The following KLRG1 variants were observed in gnomAD, a reference collection of about 807,000 sequenced individuals.
The protein encoded by KLRG1 is killer cell lectin like receptor G1.
A neutral mutation model predicts 21.8 loss-of-function variants in KLRG1; 16 were observed. The observed-to-expected ratio is 0.73, with a 90% CI of 0.50 to 1.11. The LOEUF (loss-of-function observed/expected upper bound fraction) is 1.11, where lower values mean the gene tolerates loss of function less well. Among genes scored for constraint, KLRG1 ranks in the 50% most tolerant of loss-of-function variants. KLRG1 has a pLI of 0.00. For synonymous variants in KLRG1, 69 were observed against 75.9 expected (o/e 0.91, Z 0.47); for missense variants, 173 against 218.3 (o/e 0.79, Z 1.31).
At chr12:9,003,939 T>C (rs988085422) in intron 3 of KLRG1, among the ~76,000 whole-genome samples, 2 of 150,394 alleles carry the variant, frequency 1.3e-5, no homozygotes, top group Non-Finnish European at 2.9e-5. Context: ...CATCTATGAG[T>C]GAGAACATGC....
At chr12:9,112,502 A>C in the KLRG1 span, 1 of 1,613,756 alleles carries the variant, frequency 6.2e-7, no homozygotes, top group South Asian at 1.1e-5. Context: ...GACAGTGAGG[A>C]ACATTACCTC....
chr12:8,981,412 G>C (rs1946752685), intron 1 of KLRG1, among the ~76,000 whole-genome samples: 1 of 151,408 alleles, frequency 6.6e-6, no homozygotes, highest in South Asian at 2.1e-4. Flanking sequence ...TTTGCTGTAA[G>C]ACTGTTTTAG....
chr12:9,124,181 C>A, the KLRG1 span, among the ~76,000 whole-genome samples: 1 of 152,194 alleles, frequency 6.6e-6, no homozygotes, highest in Non-Finnish European at 1.5e-5. Flanking sequence ...CAAGAGGATT[C>A]TCGGGGCAAA....
the KLRG1 span, among the ~76,000 whole-genome samples, chr12:9,195,401 C>CCCTTTCCCCTTCCCCTTT: frequency 3.3e-5 from 5 of 151,450 alleles, no homozygotes; most frequent in Non-Finnish European, 7.4e-5. Flanking sequence ...CCTGGCCCTT[C>CCCTTTCCCCTTCCCCTTT]CCTTTCCCCT....
At chr12:9,021,355 GTTTAC>G in the KLRG1 span, among the ~76,000 whole-genome samples, 2 of 150,222 alleles carry the variant, frequency 1.3e-5, no homozygotes, top group African/African-American at 4.9e-5. Flanking sequence ...ACTGTAACTT[GTTTAC>G]TTTATAAACT....
chr12:9,028,193 C>T, the KLRG1 span: 9 of 600,766 alleles, frequency 1.5e-5, no homozygotes, highest in African/African-American at 1.3e-4. Flanking sequence ...CTCTTGTCAC[C>T]TAGGCTGGAA....
rs764384198 is a variant in KLRG1 at position 8,995,137 on chromosome 12, G to C, written c.206G>C (p.Cys69Ser). 3.7e-6 allele frequency: 6 copies of C among 1,607,012 alleles called. No homozygotes were observed. The highest frequency in any genetic ancestry group is 5.1e-6 in the Non-Finnish European group (6 of 1,177,432). The part of the protein sequence containing the change: ...ILCQGSNYST[C>S]ASCPSCPDRW... ...CTCCTAGGCTCCAACTACTCCACTT[G>C]TGCCAGCTGTCCTAGCTGCCCAGAC... Residue 69 changes from cysteine (C) to serine (S), a missense_variant, in exon 3 of 5, where the codon TGT becomes TCT. Coordinates refer to ENST00000356986, the MANE Select transcript of KLRG1 (RefSeq NM_005810.4).
chr12:9,187,092 A>T, the KLRG1 span, among the ~76,000 whole-genome samples: 1 of 151,756 alleles, frequency 6.6e-6, no homozygotes. Flanking sequence ...AAAAAAAAAA[A>T]AGACAAGAGA....
At chr12:9,166,822 A>G in the KLRG1 span, among the ~76,000 whole-genome samples, 1 of 152,204 alleles carries the variant, frequency 6.6e-6, no homozygotes, top group Non-Finnish European at 1.5e-5. Flanking sequence ...GTTCAGACAA[A>G]GAAATCATTT....
the KLRG1 span, among the ~76,000 whole-genome samples, chr12:9,100,401 A>G: frequency 6.6e-6 from 1 of 152,092 alleles, no homozygotes; most frequent in Non-Finnish European, 1.5e-5. Context: ...ACAATATTTT[A>G]TGTATTTTAT....
the KLRG1 span, among the ~76,000 whole-genome samples, chr12:9,164,677 G>A: frequency 2.0e-5 from 3 of 152,258 alleles, no homozygotes; most frequent in African/African-American, 4.8e-5. Context: ...AGAGGCTCCC[G>A]ATCTTGAGGA....
At chr12:9,118,348 T>C in the KLRG1 span, among the ~76,000 whole-genome samples, 1 of 152,324 alleles carries the variant, frequency 6.6e-6, no homozygotes, top group South Asian at 2.1e-4. Context: ...AAGTGATACA[T>C]GCAACTTTCA....
At chr12:9,091,260 G>A in the KLRG1 span, 19 of 1,614,008 alleles carry the variant, frequency 1.2e-5, no homozygotes, top group Non-Finnish European at 1.4e-5. Context: ...GCCTCTCCAC[G>A]AATCACAGAG....
intron 1 of KLRG1, among the ~76,000 whole-genome samples, chr12:8,956,656 C>T (rs568118062): frequency 1.0e-3 from 152 of 152,166 alleles, no homozygotes; most frequent in Middle Eastern, 3.4e-3. Context: ...CACGTTGGCC[C>T]GGCTGGTCTC....
At chr12:9,177,769 C>T in the KLRG1 span, among the ~76,000 whole-genome samples, 2 of 152,200 alleles carry the variant, frequency 1.3e-5, no homozygotes, top group African/African-American at 2.4e-5. Flanking sequence ...TTCCACAACA[C>T]TCAAAGTTTA....
At chr12:9,213,984 G>A in the KLRG1 span, among the ~76,000 whole-genome samples, 1 of 151,874 alleles carries the variant, frequency 6.6e-6, no homozygotes, top group Non-Finnish European at 1.5e-5. Flanking sequence ...GTTTGTAATC[G>A]ATTTGAGTTA....
the KLRG1 span, chr12:9,196,982 T>G: frequency 6.9e-7 from 1 of 1,447,128 alleles, no homozygotes; most frequent in South Asian, 1.1e-5. Context: ...TAAACAGTGA[T>G]AGCACTGAGG....
the KLRG1 span, among the ~76,000 whole-genome samples, chr12:9,212,543 T>C: frequency 1.3e-5 from 2 of 152,184 alleles, no homozygotes; most frequent in Non-Finnish European, 2.9e-5. Context: ...GTAGAAACAG[T>C]AGTGACAAAA....
At chr12:9,121,605 G>T in the KLRG1 span, among the ~76,000 whole-genome samples, 90 of 152,260 alleles carry the variant, frequency 5.9e-4, no homozygotes, top group Non-Finnish European at 1.0e-3. This position sits in a 1 kb window ranked among gnomAD's most constrained non-coding sequence, Gnocchi z 4.4. Flanking sequence ...TTTTAATCAG[G>T]ATACACTTGG....
Sources: gnomAD v4.1 joint callset for allele counts (sites outside exome capture counted in the v4.1 genomes callset) on GRCh38, gnomAD v4.1.1 for gene constraint, Gnocchi (gnomAD v3.1) non-coding constraint, MANE v1.5 for transcripts, NCBI Gene and HGNC (gene_info 2026-07-23, HGNC 2026-07-21) for gene names.